Variants in ZNF208 observed in about 807,000 individuals in gnomAD.
ZNF208 encodes zinc finger protein 95.
ZNF208 carries 10 observed loss-of-function variants against 12.1 expected under a neutral mutation model. The ratio of observed to expected loss-of-function variants is 0.83; its 90% CI spans 0.51 to 1.40. The LOEUF is 1.40. ZNF208 is among the 40% of genes most tolerant of loss of function. The pLI, the probability that ZNF208 is intolerant of heterozygous loss-of-function variation, is 0.00. For synonymous variants in ZNF208, 497 were observed against 488.4 expected, an observed-to-expected ratio of 1.02 and a Z score of -0.23; for missense variants, 1,652 against 1,485.0, an observed-to-expected ratio of 1.11 and a Z score of -1.85.
chr19:21,985,795 A>G (rs1970620940), intron 3 of ZNF208, among the ~76,000 whole-genome samples: 1 of 152,180 alleles, frequency 6.6e-6, no homozygotes, highest in Non-Finnish European at 1.5e-5. Context: ...ACTTCTGCCC[A>G]TGTAGAAACC....
At chr19:21,964,156 G>C (rs540846519), downstream of ZNF208, among the ~76,000 whole-genome samples, 1 of 151,888 alleles carries the variant, frequency 6.6e-6, no homozygotes, top group South Asian at 2.1e-4. Context: ...TTTTTTATAA[G>C]AGAGAGTGAA....
intron 4 of ZNF208, among the ~76,000 whole-genome samples, chr19:21,942,931 G>A (rs1912574): frequency 6.6e-6 from 1 of 152,054 alleles, no homozygotes; most frequent in African/African-American, 2.4e-5. Context: ...TTACAGGTGT[G>A]AGCCACCGCA....
intron 1 of ZNF208, among the ~76,000 whole-genome samples, chr19:22,010,095 G>A (rs1009496661): frequency 2.6e-5 from 4 of 151,966 alleles, no homozygotes; most frequent in African/African-American, 9.7e-5. Context: ...TGAGGCAGTG[G>A]AATGGCGTCA....
downstream of ZNF208, among the ~76,000 whole-genome samples, chr19:21,963,359 A>T (rs1281559639): frequency 6.6e-6 from 1 of 152,100 alleles, no homozygotes; most frequent in Non-Finnish European, 1.5e-5. Context: ...ACTATAAATA[A>T]ACAATCTTTT....
At chr19:21,964,315 C>T (rs1159615379), downstream of ZNF208, among the ~76,000 whole-genome samples, 1 of 151,520 alleles carries the variant, frequency 6.6e-6, no homozygotes, top group Non-Finnish European at 1.5e-5. Flanking sequence ...CAGTCAGAAC[C>T]CAGCACTCAG....
chr19:21,954,985 A>G (rs1969949446), intron 4 of ZNF208, among the ~76,000 whole-genome samples: 2 of 151,982 alleles, frequency 1.3e-5, no homozygotes, highest in Admixed American at 6.6e-5. Flanking sequence ...GTTCCTTTTT[A>G]TGTTTAGTGC....
chr19:21,977,651 C>T (rs1970458912), intron 3 of ZNF208, among the ~76,000 whole-genome samples: 1 of 152,172 alleles, frequency 6.6e-6, no homozygotes. Context: ...ACTGGGTGGC[C>T]ATTTGAGCAG....
chr19:21,948,774 A>T (rs1969850489), intron 4 of ZNF208, among the ~76,000 whole-genome samples: 2 of 134,830 alleles, frequency 1.5e-5, no homozygotes, highest in South Asian at 4.5e-4. Context: ...AGAAACAAGT[A>T]GCCTTACAGG....
intron 1 of ZNF208, among the ~76,000 whole-genome samples, chr19:22,003,439 G>C (rs1438448010): frequency 6.6e-6 from 1 of 151,156 alleles, no homozygotes; most frequent in Non-Finnish European, 1.5e-5. Flanking sequence ...TTCTGACAAA[G>C]GTCTACTATC....
At chr19:21,996,000 G>A (rs1456701172) in intron 1 of ZNF208, among the ~76,000 whole-genome samples, 1 of 152,166 alleles carries the variant, frequency 6.6e-6, no homozygotes. Flanking sequence ...CAGAGGCCAG[G>A]TCTTATTTGC....
At chr19:21,948,453 G>A (rs1402797187) in intron 4 of ZNF208, among the ~76,000 whole-genome samples, 1 of 152,086 alleles carries the variant, frequency 6.6e-6, no homozygotes, top group Non-Finnish European at 1.5e-5. Context: ...AACCCTAAAT[G>A]CAACTTCCAG....
At chr19:21,987,377 G>A in intron 2 of ZNF208, 66 bp from the exon 3 acceptor site, 5 of 1,447,562 alleles carry the variant, frequency 3.5e-6, no homozygotes, top group Non-Finnish European at 4.7e-6. Flanking sequence ...TCAGTAATGT[G>A]CTCAGTAAAG....
chr19:21,981,210 G>T (rs1970531302), intron 3 of ZNF208, among the ~76,000 whole-genome samples: 1 of 152,108 alleles, frequency 6.6e-6, no homozygotes. Context: ...CTCATTTTAT[G>T]AGGCCAGCAT....
rs1568445598 is a variant in ZNF208 at position 21,974,029 on chromosome 19, A to G, written c.1005T>C (p.His335=). ...TACATTTGTAGGGCTTCTCTCCAGC[A>G]TGAATTGCCTTATGTGTAATAAGGG... ...VSTLITHKAI[H]AGEKPYKCKE... is the part of the protein sequence containing the mutation. The change falls in exon 4 of 4, where the codon CAT becomes CAC. Residue 335 remains histidine, a synonymous_variant. Coordinates refer to ENST00000397126, the MANE Select transcript of ZNF208 (RefSeq NM_007153.3). 7.3e-7 allele frequency: 1 copy of G among 1,370,268 alleles called. No individual in the cohort carries two copies. Among genetic ancestry groups the G allele is most frequent in the Non-Finnish European group, 9.7e-7 (1 of 1,031,376 alleles). The allele number at this position is 1,370,268 out of a possible 1,614,324, so 84.9% of individuals were successfully genotyped here. A position where few individuals can be genotyped will look rare whatever the true frequency, so the allele number is the denominator to read the frequency against.
chr19:21,949,173 C>T (rs1479509158), intron 4 of ZNF208, among the ~76,000 whole-genome samples: 1 of 152,168 alleles, frequency 6.6e-6, no homozygotes, highest in African/African-American at 2.4e-5. Context: ...AAGGAAGTTG[C>T]TAAAACAGGC....
chr19:21,979,575 GAAGCACTA>G (rs1409706205), intron 3 of ZNF208, among the ~76,000 whole-genome samples: 1 of 152,138 alleles, frequency 6.6e-6, no homozygotes, highest in Non-Finnish European at 1.5e-5. Context: ...GCTCCTGAAG[GAAGCACTA>G]AACATAAAAA....
At position 21,971,947 on chromosome 19, in the gene ZNF208, G is replaced by C. The variant is rs549907859; in HGVS notation, c.3087C>G (p.Tyr1029Ter). The change falls in exon 4 of 4, where the codon TAC becomes TAG. Residue 1029 changes from tyrosine (Y) to a stop codon, truncating the protein, a stop_gained. Coordinates refer to ENST00000397126, the MANE Select transcript of ZNF208 (RefSeq NM_007153.3). LOFTEE classifies it low-confidence loss of function (END_TRUNC). ...AGGCTTTGTCACATTCTTCACATTT[G>C]TAGGGTGTCTCTCCAGTGTGAATTT... ...HKKIHTGETP[Y>*]KCEECDKAFS... The C allele has an allele frequency of 6.3e-7, 1 of 1,576,648 alleles. No homozygotes were observed. Among genetic ancestry groups the C allele is most frequent in the African/African-American group, 1.4e-5 (1 of 73,306 alleles).
rs531412597 is a variant in ZNF208, at chr19:21,968,588, C to T, written c.*2603G>A. The T allele has an allele frequency of 1.3e-5, 2 of 152,102 alleles. No individual in the cohort carries two copies. The highest frequency in any genetic ancestry group is 4.1e-4 in the South Asian group (2 of 4,826). 9.4% of individuals were successfully genotyped at this position (152,102 alleles called of 1,614,324 possible). A position where few individuals can be genotyped will look rare whatever the true frequency, so the allele number is the denominator to read the frequency against. On this transcript the variant is annotated 3_prime_UTR_variant, in exon 4 of 4. Transcript: ENST00000397126. Reference sequence around the variant, plus strand: ...CTGATTTGCTTTTGAATTCAGTTTGCTAGTATTTCATGGAGGATTATTATT... The same window carrying T: ...CTGATTTGCTTTTGAATTCAGTTTGTTAGTATTTCATGGAGGATTATTATT...
Position 21,971,269 on chromosome 19 carries a change from A to T in ZNF208, c.3765T>A (p.Cys1255Ter), listed in dbSNP as rs764631357. 2 of 1,612,234 alleles carry T rather than the reference A, an allele frequency of 1.2e-6. No individual in the cohort carries two copies. Among genetic ancestry groups the T allele is most frequent in the East Asian group, 4.5e-5 (2 of 44,802 alleles). Reference sequence around the variant, plus strand: ...AGCTGAAGGCTTTGCCACATTCTTCACATTTGTAGGGTTTCTCTCCAGTAT... The same window carrying T: ...AGCTGAAGGCTTTGCCACATTCTTCTCATTTGTAGGGTTTCTCTCCAGTAT... Reference protein sequence around the residue: ...VIHTGEKPYKCEECGKAFSWL... With the variant: ...VIHTGEKPYK The change falls in exon 4 of 4, where the codon TGT becomes TGA. Residue 1255 changes from cysteine to a stop codon, truncating the protein, a stop_gained. Coordinates refer to ENST00000397126, the MANE Select transcript of ZNF208 (RefSeq NM_007153.3). LOFTEE classifies it low-confidence loss of function (END_TRUNC).
Sources: gnomAD v4.1 joint callset for allele counts (sites outside exome capture counted in the v4.1 genomes callset) on GRCh38, gnomAD v4.1.1 for gene constraint, MANE v1.5 for transcripts, NCBI Gene and HGNC (gene_info 2026-07-23, HGNC 2026-07-21) for gene names.